The following ATP8B4 variants were observed in gnomAD, a reference collection of about 807,000 sequenced individuals.
The protein encoded by ATP8B4 is ATPase phospholipid transporting 8B4 (putative), also known as probable phospholipid-transporting ATPase IM.
In ATP8B4, 133 loss-of-function variants were observed where a neutral mutation model predicts 145.6. That is an observed-to-expected ratio of 0.91 (90% CI 0.79 to 1.05). ATP8B4 has a LOEUF of 1.05. Among genes scored for constraint, ATP8B4 ranks in the 50% least tolerant of loss-of-function variants. The pLI is 0.00. For synonymous variants in ATP8B4, 507 were observed against 492.9 expected, an observed-to-expected ratio of 1.03 and a Z score of -0.38; for missense variants, 1,458 against 1,425.2, an observed-to-expected ratio of 1.02 and a Z score of -0.37.
chr15:49,999,032 C>T (rs1299384755), intron 8 of ATP8B4, among the ~76,000 whole-genome samples: 7 of 152,022 alleles, frequency 4.6e-5, no homozygotes, highest in Non-Finnish European at 2.9e-5. Context: ...TCAGGTTTGT[C>T]AAATATCAGA....
intron 6 of ATP8B4, among the ~76,000 whole-genome samples, chr15:50,015,093 G>T (rs532853428): frequency 6.6e-6 from 1 of 152,276 alleles, no homozygotes; most frequent in East Asian, 1.9e-4. Flanking sequence ...GATAAGGTAG[G>T]TCTATATGTG....
chr15:50,100,936 A>G (rs903260370), intron 2 of ATP8B4, among the ~76,000 whole-genome samples: 1 of 152,228 alleles, frequency 6.6e-6, no homozygotes, highest in Admixed American at 6.5e-5. Flanking sequence ...TAAAAAAACA[A>G]TTATGTACAC....
At chr15:50,004,564 A>G (rs1323847411) in intron 7 of ATP8B4, among the ~76,000 whole-genome samples, 20 of 152,194 alleles carry the variant, frequency 1.3e-4, no homozygotes, top group Admixed American at 1.3e-3. Context: ...TATGATTCCA[A>G]ATAACGTAGC....
Position 49,931,197 on chromosome 15 carries a change from C to G in ATP8B4, c.1564G>C (p.Glu522Gln), listed in dbSNP as rs1414928535. Residue 522 changes from glutamate (E) to glutamine (Q), a missense_variant, in exon 16 of 28, where the codon GAA becomes CAA. Physicochemically the swap from Glu to Gln is conservative, Grantham distance 29 (BLOSUM62 2). Transcript: ENST00000284509. ...SRTPETITIE[E>Q]LGTLVTYQLL... ...TGATAAGTAACTAGTGTTCCCAATTCTTCTATTGTTATGGTCTCTGGGGTC... is the reference window on the plus strand; with the variant it reads ...TGATAAGTAACTAGTGTTCCCAATTGTTCTATTGTTATGGTCTCTGGGGTC... 1.8e-5 allele frequency: 29 copies of G among 1,612,566 alleles called. No homozygotes were observed. The Admixed American group carries it at 4.8e-4, about 27-fold the overall frequency.
At chr15:49,926,364 A>G (rs1206078021) in intron 16 of ATP8B4, among the ~76,000 whole-genome samples, 4 of 152,080 alleles carry the variant, frequency 2.6e-5, no homozygotes, top group East Asian at 1.9e-4. Context: ...TTCACCAACC[A>G]TACATCTAAG....
At chr15:50,164,102 A>G (rs1014390162) in intron 1 of ATP8B4, among the ~76,000 whole-genome samples, 1 of 152,180 alleles carries the variant, frequency 6.6e-6, no homozygotes, top group Non-Finnish European at 1.5e-5. Flanking sequence ...GGACCCCAGG[A>G]GCCTGCTTGG....
chr15:49,940,562 TA>T (rs924473646), intron 14 of ATP8B4, among the ~76,000 whole-genome samples: 1 of 152,020 alleles, frequency 6.6e-6, no homozygotes, highest in Non-Finnish European at 1.5e-5. Context: ...GTTGAAATTA[TA>T]AAAAAAATTT....
intron 6 of ATP8B4, among the ~76,000 whole-genome samples, chr15:50,032,100 G>A (rs1343306390): frequency 6.6e-6 from 1 of 152,100 alleles, no homozygotes; most frequent in Non-Finnish European, 1.5e-5. Context: ...ATGTGCCATT[G>A]TGGTTTGCTG....
At chr15:49,918,985 G>T in intron 18 of ATP8B4, 35 bp from the exon 19 acceptor site, 3 of 1,435,572 alleles carry the variant, frequency 2.1e-6, no homozygotes, top group Non-Finnish European at 2.9e-6. Flanking sequence ...TTATGTTAAT[G>T]CATGCAAACA....
chr15:50,177,282 C>A (rs545313243), intron 1 of ATP8B4, among the ~76,000 whole-genome samples: 1 of 152,218 alleles, frequency 6.6e-6, no homozygotes, highest in African/African-American at 2.4e-5. Flanking sequence ...GAGCTCAGTA[C>A]ACTTCTCAAA....
intron 1 of ATP8B4, among the ~76,000 whole-genome samples, chr15:50,149,144 C>T (rs4775860): frequency 0.45 from 69,148 of 152,000 alleles, 16,490 homozygotes; most frequent in East Asian, 0.89. Context: ...CAGTTGAGAA[C>T]ATTGTGTTAA....
At chr15:50,089,686 CA>C (rs1376897566) in intron 2 of ATP8B4, among the ~76,000 whole-genome samples, 12 of 151,144 alleles carry the variant, frequency 7.9e-5, no homozygotes, top group Middle Eastern at 3.4e-3. Context: ...TTTTTTGAGA[CA>C]GAGTCTCACT....
At chr15:50,113,641 C>G (rs1225855337) in intron 1 of ATP8B4, among the ~76,000 whole-genome samples, 1 of 151,912 alleles carries the variant, frequency 6.6e-6, no homozygotes, top group African/African-American at 2.4e-5. Context: ...GAGTTCGAGA[C>G]CAGCCTGACC....
At chr15:49,924,863 CA>C (rs1443527707) in intron 16 of ATP8B4, among the ~76,000 whole-genome samples, 8 of 152,204 alleles carry the variant, frequency 5.3e-5, no homozygotes, top group Non-Finnish European at 1.0e-4. Flanking sequence ...ATTGTTAAAC[CA>C]GGGGGGGAAA....
intron 5 of ATP8B4, among the ~76,000 whole-genome samples, chr15:50,040,552 A>T (rs533633822): frequency 3.3e-5 from 5 of 152,378 alleles, no homozygotes; most frequent in South Asian, 2.1e-4. Flanking sequence ...GTGAAAGCAC[A>T]TTCAAGCATT....
At chr15:49,902,839 G>T (rs2038189363) in intron 20 of ATP8B4, among the ~76,000 whole-genome samples, 1 of 152,156 alleles carries the variant, frequency 6.6e-6, no homozygotes, top group Non-Finnish European at 1.5e-5. Context: ...CATAAATTGT[G>T]ACTTCAGAAA....
chr15:50,133,991 T>TA (rs2044086489), intron 1 of ATP8B4, among the ~76,000 whole-genome samples: 1 of 151,928 alleles, frequency 6.6e-6, no homozygotes, highest in African/African-American at 2.4e-5. Context: ...AAATTTAAAA[T>TA]AAAAAAATGG....
At chr15:50,142,597 GTC>G (rs914474908) in intron 1 of ATP8B4, among the ~76,000 whole-genome samples, 7 of 152,300 alleles carry the variant, frequency 4.6e-5, no homozygotes, top group African/African-American at 1.7e-4. Flanking sequence ...CAGTGGAAGA[GTC>G]TGTGGTACAA....
chr15:49,926,868 C>T (rs4606659), intron 16 of ATP8B4, among the ~76,000 whole-genome samples: 37,076 of 151,810 alleles, frequency 0.24, 5,205 homozygotes, highest in Non-Finnish European at 0.31. Flanking sequence ...TTTGCCATAT[C>T]GCCGCTGTTC....
Sources: allele counts gnomAD v4.1 joint callset (sites outside exome capture counted in the v4.1 genomes callset), GRCh38; gene constraint gnomAD v4.1.1; transcripts MANE v1.5; gene names NCBI Gene and HGNC (gene_info 2026-07-23, HGNC 2026-07-21).